Variants in TET1 observed in about 807,000 individuals in gnomAD.
TET1 encodes tet methylcytosine dioxygenase 1.
In TET1, 13 loss-of-function variants were observed where a neutral mutation model predicts 148.7. The observed-to-expected ratio is 0.09, with a 90% CI of 0.06 to 0.14. TET1 has a LOEUF of 0.14. Among genes scored for constraint, TET1 ranks in the 10% least tolerant of loss-of-function variants. The probability of loss-of-function intolerance (pLI) is 1.00; values close to 1 mark genes in which losing one functional copy is unlikely to be tolerated. For synonymous variants in TET1, 907 were observed against 937.2 expected (o/e 0.97, Z 0.59); for missense variants, 2,182 against 2,553.8 (o/e 0.85, Z 3.14).
In TET1 at chr10:68,625,866, C is replaced by T. The variant is rs539650755; in HGVS notation, c.1969-18832C>T. On this transcript the variant is annotated intron_variant, in intron 3 of 11. Transcript: ENST00000373644. ...CTTTGGGAGGCTGAGGCAGGTGGAT[C>T]GCTTGAGCCCAGGAGTTTGAGACCA... Among the ~76,000 whole-genome samples, 4 of 151,910 alleles carry T rather than the reference C, an allele frequency of 2.6e-5. No homozygotes were observed. In the South Asian group the frequency reaches 8.3e-4, roughly 32 times the overall value.
chr10:68,591,819 G>A (rs562479252), intron 2 of TET1, among the ~76,000 whole-genome samples: 38 of 151,998 alleles, frequency 2.5e-4, no homozygotes, highest in African/African-American at 9.2e-4. Flanking sequence ...GCAGGAGAAT[G>A]GTGTGAACCC....
chr10:68,603,943 G>T (rs1272138393), intron 3 of TET1, among the ~76,000 whole-genome samples: 2 of 152,210 alleles, frequency 1.3e-5, no homozygotes, highest in Non-Finnish European at 2.9e-5. Context: ...ATCAGCTAAT[G>T]GTGCACTAGT....
At chr10:68,563,152 T>C (rs1474481390) in intron 1 of TET1, among the ~76,000 whole-genome samples, 3 of 152,210 alleles carry the variant, frequency 2.0e-5, no homozygotes, top group Admixed American at 6.5e-5. Flanking sequence ...TTTTCCCCCC[T>C]TTTTTCCCCC....
chr10:68,630,984 G>A lies in TET1; in HGVS notation c.1969-13714G>A, dbSNP rs189128279. 3.6e-3 allele frequency among the ~76,000 whole-genome samples: 549 copies of A among 152,046 alleles called. 1 individual carries two copies. Among genetic ancestry groups the A allele is most frequent in the African/African-American group, 0.012 (517 of 41,478 alleles). On this transcript the variant is annotated intron_variant, in intron 3 of 11. Coordinates refer to ENST00000373644, the MANE Select transcript of TET1 (RefSeq NM_030625.3). ...TAGAGCCCAGGAGTTTGAGACCAGC[G>A]TGGGCAACATAATGAGACCTTGTCT...
At chr10:68,617,852 C>T (rs1198254890) in intron 3 of TET1, among the ~76,000 whole-genome samples, 3 of 152,090 alleles carry the variant, frequency 2.0e-5, no homozygotes, top group African/African-American at 7.2e-5. Flanking sequence ...GGCCAATGGA[C>T]TCTATTTTTA....
chr10:68,682,728 A>G (rs1001888668), intron 9 of TET1, 108 bp from the exon 10 acceptor site: 5 of 1,282,540 alleles, frequency 3.9e-6, no homozygotes, highest in Non-Finnish European at 4.3e-6. Flanking sequence ...CAGAAATTAC[A>G]AAGTGTAATT....
Position 68,573,127 on chromosome 10 carries a change from A to G in TET1, c.789A>G (p.Gln263=), listed in dbSNP as rs904734024. 1.2e-6 allele frequency: 2 copies of G among 1,614,036 alleles called. No individual in the cohort carries two copies. The highest frequency in any genetic ancestry group is 1.7e-6 in the Non-Finnish European group (2 of 1,180,018). Reference sequence around the variant, plus strand: ...GAGCAACCCCCAAAGTTACCTCTCAAGGAAACCCCAGCATTCAGTTAGAAG... The same window carrying G: ...GAGCAACCCCCAAAGTTACCTCTCAGGGAAACCCCAGCATTCAGTTAGAAG... ...PQRATPKVTS[Q]GNPSIQLEEL... Residue 263 remains glutamine, a synonymous_variant, in exon 2 of 12, where the codon CAA becomes CAG. Transcript: ENST00000373644.
At chr10:68,565,034 C>T (rs765431298) in intron 1 of TET1, among the ~76,000 whole-genome samples, 3 of 151,936 alleles carry the variant, frequency 2.0e-5, no homozygotes, top group Non-Finnish European at 4.4e-5. Context: ...AAAAACAAAA[C>T]AAACCTGATA....
intron 8 of TET1, among the ~76,000 whole-genome samples, chr10:68,678,351 C>T (rs1436714804): frequency 6.6e-6 from 1 of 152,136 alleles, no homozygotes. Flanking sequence ...GGGAAATCTA[C>T]ATGGGAATGT....
intron 2 of TET1, among the ~76,000 whole-genome samples, chr10:68,580,782 CAAAAAAA>C (rs71483915): frequency 0.25 from 24,117 of 95,096 alleles, 3,379 homozygotes; most frequent in East Asian, 0.36. Flanking sequence ...AACTCCATCT[CAAAAAAA>C]AAAAAAAAAA....
intron 2 of TET1, among the ~76,000 whole-genome samples, chr10:68,580,657 C>T (rs2053783668): frequency 6.6e-6 from 1 of 151,180 alleles, no homozygotes; most frequent in African/African-American, 2.4e-5. Flanking sequence ...TGGTGCATGC[C>T]TATAATCTCA....
rs71019039 is a variant in TET1, at chr10:68,617,006, C to CTTTTTTTTTTT, written c.1968+16000_1968+16010dup. On this transcript the variant is annotated intron_variant, in intron 3 of 11. Transcript: ENST00000373644. ...ACAGGCATGAGCCACCGCGCCTGGCCTTTTTTTTTTTTTTTTTTTTTTTTT... is the reference window on the plus strand; with the variant it reads ...ACAGGCATGAGCCACCGCGCCTGGCCTTTTTTTTTTTTTTTTTTTTTTTTTTTTTTTTTTTT... 7.6e-5 allele frequency among the ~76,000 whole-genome samples: 3 copies of CTTTTTTTTTTT among 39,614 alleles called. 1 individual carries two copies. The highest frequency in any genetic ancestry group is 1.4e-4 in the Non-Finnish European group (3 of 22,018). The allele number at this position is 39,614 out of a possible 152,430, so 26.0% of individuals were successfully genotyped here.
intron 2 of TET1, among the ~76,000 whole-genome samples, chr10:68,579,156 C>A (rs1321139741): frequency 3.9e-5 from 6 of 152,196 alleles, no homozygotes; most frequent in Non-Finnish European, 7.3e-5. Flanking sequence ...AGTAGAGAGA[C>A]CTCCCTTGTA....
In TET1 at chr10:68,573,352, C is replaced by T; in HGVS notation, c.1014C>T (p.Thr338=). The change falls in exon 2 of 12, where the codon ACC becomes ACT. Residue 338 remains threonine (T), a synonymous_variant. Transcript: ENST00000373644. ...TCTTGGCAGGCTCAAAACAAGCGAC[C>T]CTTGGTGCTAAACCAGATCATCAAG... is the stretch of plus-strand genomic sequence containing the variant. ...KFLLAGSKQA[T]LGAKPDHQEA... 6.2e-7 allele frequency: 1 copy of T among 1,614,036 alleles called. No individual in the cohort carries two copies. The highest frequency in any genetic ancestry group is 8.5e-7 in the Non-Finnish European group (1 of 1,180,010).
At position 68,691,496 on chromosome 10, in the gene TET1, T is replaced by C. The variant is rs1243156187; in HGVS notation, c.6093T>C (p.Thr2031=). The C allele has an allele frequency of 1.9e-6, 3 of 1,613,748 alleles. No homozygotes were observed. In the African/African-American group the frequency reaches 4.0e-5, roughly 22 times the overall value. The change falls in exon 12 of 12, where the codon ACT becomes ACC. Residue 2031 remains threonine, a synonymous_variant. Coordinates refer to ENST00000373644, the MANE Select transcript of TET1 (RefSeq NM_030625.3). This position sits in a 1 kb window ranked among gnomAD's most constrained non-coding sequence, Gnocchi z 4.4. ...ECARRELHAT[T]PVEHPNRNHP... ...CCCGGCGAGAGCTGCACGCTACCAC[T>C]CCTGTTGAGCACCCCAACCGTAATC...
intron 3 of TET1, among the ~76,000 whole-genome samples, chr10:68,642,718 C>T (rs969390047): frequency 2.0e-4 from 31 of 152,122 alleles, no homozygotes; most frequent in African/African-American, 7.0e-4. Flanking sequence ...GATTCTCCTG[C>T]CTCAGCCTCC....
chr10:68,570,147 C>T (rs61869325), intron 1 of TET1, among the ~76,000 whole-genome samples: 27,899 of 151,594 alleles, frequency 0.18, 2,959 homozygotes, highest in African/African-American at 0.28. Flanking sequence ...CTCTGTCACC[C>T]AGGCTGGAGT....
At chr10:68,606,170 C>A (rs1382823549) in intron 3 of TET1, among the ~76,000 whole-genome samples, 1 of 152,092 alleles carries the variant, frequency 6.6e-6, no homozygotes, top group East Asian at 2.0e-4. Context: ...GGTTCAAGAC[C>A]ACCCTGGCCA....
intron 1 of TET1, among the ~76,000 whole-genome samples, chr10:68,564,329 G>C (rs988492936): frequency 4.7e-5 from 7 of 150,368 alleles, no homozygotes; most frequent in Non-Finnish European, 8.9e-5. Flanking sequence ...TTGTATTTTT[G>C]GTAGAGATGG....
Sources: allele counts gnomAD v4.1 joint callset (sites outside exome capture counted in the v4.1 genomes callset), GRCh38; gene constraint gnomAD v4.1.1; non-coding constraint Gnocchi (gnomAD v3.1); transcripts MANE v1.5; gene names NCBI Gene and HGNC (gene_info 2026-07-23, HGNC 2026-07-21).